The following HMCN1 variants were observed in gnomAD, a reference collection of about 807,000 sequenced individuals.
The protein encoded by HMCN1 is hemicentin-1.
In HMCN1, 321 loss-of-function variants were observed where a neutral mutation model predicts 625.9. The observed-to-expected ratio is 0.51, with a 90% CI of 0.47 to 0.56. The LOEUF is 0.56. Ranked by LOEUF, HMCN1 falls within the 20% of genes least tolerant of loss-of-function variation. The probability of loss-of-function intolerance (pLI) is 0.00; values close to 1 mark genes in which losing one functional copy is unlikely to be tolerated. For synonymous variants in HMCN1, 2,425 were observed against 2,417.6 expected, an observed-to-expected ratio of 1.00 and a Z score of -0.09; for missense variants, 6,588 against 6,887.3, an observed-to-expected ratio of 0.96 and a Z score of 1.54.
chr1:186,118,275 G>A (rs564909177), intron 77 of HMCN1, among the ~76,000 whole-genome samples: 9 of 152,160 alleles, frequency 5.9e-5, no homozygotes, highest in East Asian at 1.9e-4. Context: ...AATATCCTGG[G>A]ACTTTAAGAG....
chr1:185,979,119 C>T (rs1362670971), intron 16 of HMCN1, among the ~76,000 whole-genome samples: 1 of 152,154 alleles, frequency 6.6e-6, no homozygotes, highest in Non-Finnish European at 1.5e-5. Context: ...GGGTCCCTCA[C>T]TCAGGTAGTT....
chr1:186,088,649 C>T lies in HMCN1; in HGVS notation c.9621C>T (p.Ser3207=). Residue 3207 remains serine (S), a synonymous_variant, in exon 63 of 107, where the codon AGC becomes AGT. Coordinates refer to ENST00000271588, the MANE Select transcript of HMCN1 (RefSeq NM_031935.3). ...AAGTTCGTATTTTGTCTGGAGGTAGCAAACTCCAGATTGCCCGGTCTCAGC... is the reference window on the plus strand; with the variant it reads ...AAGTTCGTATTTTGTCTGGAGGTAGTAAACTCCAGATTGCCCGGTCTCAGC... The part of the protein sequence containing the change: ...SLEVRILSGG[S]KLQIARSQHS... The T allele has an allele frequency of 6.2e-7, 1 of 1,611,938 alleles. No individual in the cohort carries two copies. Among genetic ancestry groups the T allele is most frequent in the Non-Finnish European group, 8.5e-7 (1 of 1,178,786 alleles).
At position 185,754,669 on chromosome 1, in the gene HMCN1, G is replaced by T. The variant is rs559190524; in HGVS notation, c.268+19622G>T. ...ATTTGAGACCAGCCTGGGCAACATG[G>T]CTAAACTCCATCTCTTTAAAAAATA... is the stretch of plus-strand genomic sequence containing the variant. On this transcript the variant is annotated intron_variant, in intron 1 of 106. Coordinates refer to ENST00000271588, the MANE Select transcript of HMCN1 (RefSeq NM_031935.3). Among the ~76,000 whole-genome samples the T allele has an allele frequency of 2.5e-4, 38 of 152,174 alleles. No homozygotes were observed. The South Asian group carries it at 7.7e-3, about 31-fold the overall frequency.
intron 93 of HMCN1, among the ~76,000 whole-genome samples, chr1:186,148,519 T>TTTTG (rs1328036410): frequency 1.3e-5 from 2 of 152,166 alleles, no homozygotes; most frequent in South Asian, 2.1e-4. Context: ...TTTCTGTTTT[T>TTTTG]TTTGTTTGAG....
In HMCN1 at chr1:185,947,323, A is replaced by T. The variant is rs534307638; in HGVS notation, c.1828+13499A>T. ...TGAACACTTGAAATATGGCTAGTGT[A>T]CCCAAGGAACTCATTTGGAATTTGA... On this transcript the variant is annotated intron_variant, in intron 11 of 106. Transcript: ENST00000271588. Among the ~76,000 whole-genome samples, 4 of 152,326 alleles carry T rather than the reference A, an allele frequency of 2.6e-5. No individual in the cohort carries two copies. In the South Asian group the frequency reaches 8.3e-4, roughly 32 times the overall value.
intron 4 of HMCN1, among the ~76,000 whole-genome samples, chr1:185,887,020 C>A (rs1305310006): frequency 6.6e-6 from 1 of 152,110 alleles, no homozygotes; most frequent in Non-Finnish European, 1.5e-5. Flanking sequence ...TACTTTGCTG[C>A]CTCGGCACTT....
At chr1:185,999,205 CTT>C (rs1193446680) in intron 25 of HMCN1, among the ~76,000 whole-genome samples, 1 of 151,692 alleles carries the variant, frequency 6.6e-6, no homozygotes, top group African/African-American at 2.4e-5. Context: ...TTAACAATGT[CTT>C]ATGTAATCAT....
intron 32 of HMCN1, among the ~76,000 whole-genome samples, chr1:186,016,446 A>G (rs1378656287): frequency 6.6e-6 from 1 of 152,076 alleles, no homozygotes; most frequent in African/African-American, 2.4e-5. Flanking sequence ...ACTGATTTTG[A>G]TAAGTATACT....
chr1:186,063,063 TGTGC>T (rs1198013663), intron 48 of HMCN1, among the ~76,000 whole-genome samples: 11 of 94,558 alleles, frequency 1.2e-4, no homozygotes, highest in South Asian at 3.7e-4. Context: ...TGTGTGTGTG[TGTGC>T]ATATATATAT....
rs1449915387 is a variant in HMCN1 at position 185,993,286 on chromosome 1, A to G, written c.3482A>G (p.Gln1161Arg). The G allele has an allele frequency of 5.0e-6, 8 of 1,612,894 alleles. No individual in the cohort carries two copies. The highest frequency in any genetic ancestry group is 3.3e-5 in the Admixed American group (2 of 59,954). ...VATNIAGNVT[Q>R]AVKLNVHVPP... ...ACAAATATTGCTGGGAATGTGACTCAGGCTGTCAAATTAAATGTCCATGGT... is the reference window on the plus strand; with the variant it reads ...ACAAATATTGCTGGGAATGTGACTCGGGCTGTCAAATTAAATGTCCATGGT... The change falls in exon 23 of 107, where the codon CAG becomes CGG. Residue 1161 changes from glutamine to arginine, a missense_variant. Physicochemically the swap from Gln to Arg is conservative, Grantham distance 43. Coordinates refer to ENST00000271588, the MANE Select transcript of HMCN1 (RefSeq NM_031935.3).
Position 186,146,027 on chromosome 1 carries a change from T to TAA in HMCN1, c.14608+105_14608+106insAA. 2.0e-5 allele frequency: 23 copies of TAA among 1,122,664 alleles called. No individual in the cohort carries two copies. The Admixed American group carries it at 2.2e-4, about 11-fold the overall frequency. The allele number at this position is 1,122,664 out of a possible 1,614,324, so 69.5% of individuals were successfully genotyped here. A position where few individuals can be genotyped will look rare whatever the true frequency, so the allele number is the denominator to read the frequency against. On this transcript the variant is annotated intron_variant, in intron 93 of 106. Transcript: ENST00000271588. ...CAATGCCAACCCTGAGAGGTGGAAT[T>TAA]AGAAAAAAAAAAAAAAGTGCTTTCT... is the stretch of plus-strand genomic sequence containing the variant.
intron 1 of HMCN1, among the ~76,000 whole-genome samples, chr1:185,791,670 C>T (rs927550056): frequency 4.5e-4 from 69 of 152,098 alleles, no homozygotes; most frequent in African/African-American, 1.6e-3. Context: ...TGCAGTGAGC[C>T]GAGATTGTGC....
At chr1:185,774,508 T>C (rs1296912529) in intron 1 of HMCN1, among the ~76,000 whole-genome samples, 1 of 152,146 alleles carries the variant, frequency 6.6e-6, no homozygotes, top group African/African-American at 2.4e-5. Flanking sequence ...ATCTGAATGA[T>C]AAAGATTTAC....
chr1:186,137,739 G>A, intron 88 of HMCN1, 63 bp from the exon 89 acceptor site: 1 of 1,613,716 alleles, frequency 6.2e-7, no homozygotes, highest in African/African-American at 1.3e-5. Flanking sequence ...CCTATGGATT[G>A]CCCCAGTGTA....
At chr1:185,835,258 G>A (rs1661096466) in intron 1 of HMCN1, among the ~76,000 whole-genome samples, 1 of 152,206 alleles carries the variant, frequency 6.6e-6, no homozygotes, top group Non-Finnish European at 1.5e-5. Flanking sequence ...CCCTGTGTGT[G>A]CTATCAGTTG....
At chr1:186,050,526 C>T (rs140149477) in intron 42 of HMCN1, among the ~76,000 whole-genome samples, 98 of 151,984 alleles carry the variant, frequency 6.4e-4, no homozygotes, top group African/African-American at 2.0e-3. Flanking sequence ...TGGAAACTAA[C>T]GACAGTGTTG....
At chr1:186,160,738 A>G (rs1174094680) in intron 97 of HMCN1, among the ~76,000 whole-genome samples, 1 of 152,048 alleles carries the variant, frequency 6.6e-6, no homozygotes, top group East Asian at 1.9e-4. Flanking sequence ...GTTTTGAGTG[A>G]GTTTCTTAAT....
At chr1:185,894,626 G>T (rs1327330104) in intron 4 of HMCN1, among the ~76,000 whole-genome samples, 1 of 152,138 alleles carries the variant, frequency 6.6e-6, no homozygotes, top group Non-Finnish European at 1.5e-5. Flanking sequence ...TAAGAATCCT[G>T]GCTGTTCTAC....
At chr1:185,910,771 A>G (rs563759689) in intron 5 of HMCN1, among the ~76,000 whole-genome samples, 1 of 152,084 alleles carries the variant, frequency 6.6e-6, no homozygotes, top group South Asian at 2.1e-4. Flanking sequence ...GGGTTTCACC[A>G]TGTTGGTCAG....
Sources: allele counts gnomAD v4.1 joint callset (sites outside exome capture counted in the v4.1 genomes callset), GRCh38; gene constraint gnomAD v4.1.1; transcripts MANE v1.5; gene names NCBI Gene and HGNC (gene_info 2026-07-23, HGNC 2026-07-21).